COL6A6: variants seen among roughly 807,000 people sequenced by gnomAD.
COL6A6 encodes the protein collagen type VI alpha 6 chain.
In COL6A6, 183 loss-of-function variants were observed where a neutral mutation model predicts 208.6. The observed-to-expected ratio is 0.88, with a 90% CI of 0.78 to 0.99. The LOEUF is 0.99. Among genes scored for constraint, COL6A6 ranks in the 50% least tolerant of loss-of-function variants. The probability of loss-of-function intolerance (pLI) is 0.00; values close to 1 mark genes in which losing one functional copy is unlikely to be tolerated. For missense variants in COL6A6, 2,816 were observed against 2,815.2 expected (o/e 1.00, Z -0.01); for synonymous variants, 973 against 1,011.8 (o/e 0.96, Z 0.73).
At chr3:130,586,698 C>A in intron 11 of COL6A6, 38 bp downstream of exon 11, 1 of 1,581,658 alleles carries the variant, frequency 6.3e-7, no homozygotes, top group Non-Finnish European at 8.6e-7. Context: ...CTTAAATTTT[C>A]AATTATTTTG....
intron 1 of COL6A6, among the ~76,000 whole-genome samples, chr3:130,533,465 T>C (rs2062154344): frequency 6.6e-6 from 1 of 152,204 alleles, no homozygotes; most frequent in Non-Finnish European, 1.5e-5. Context: ...CCTTTTTTCT[T>C]ATGACTTTTT....
rs368495540 is a variant in COL6A6, at chr3:130,614,565, A to C, written c.4815+3854A>C. Reference sequence around the variant, plus strand: ...AAGTCCCTCTACCTCACCTTTTAGGAATAGTTTCAGTAGGAATGATATCAG... The same window carrying C: ...AAGTCCCTCTACCTCACCTTTTAGGCATAGTTTCAGTAGGAATGATATCAG... On this transcript the variant is annotated intron_variant, in intron 23 of 36. Coordinates refer to ENST00000358511, the MANE Select transcript of COL6A6 (RefSeq NM_001102608.3). Among the ~76,000 whole-genome samples, 23 of 152,248 alleles carry C rather than the reference A, an allele frequency of 1.5e-4. No individual in the cohort carries two copies. The South Asian group carries it at 4.8e-3, about 32-fold the overall frequency.
At chr3:130,573,630 A>G (rs1314304428) in intron 7 of COL6A6, among the ~76,000 whole-genome samples, 1 of 149,984 alleles carries the variant, frequency 6.7e-6, no homozygotes. Flanking sequence ...GCAGAGGCAC[A>G]ATCTCGGCTC....
chr3:130,566,867 G>A lies in COL6A6; in HGVS notation c.1448G>A (p.Ser483Asn), dbSNP rs1213440910. Residue 483 changes from serine (S) to asparagine (N), a missense_variant, in exon 5 of 37, where the codon AGC (serine) becomes AAC (asparagine). Transcript: ENST00000358511. ...GTTGGGGCCGTTCAGTATGCTGACA[G>A]CTGGGACTTGGAATTTGAGATCAAT... ...VRVGAVQYADSWDLEFEINKY... is the reference protein window; with the variant it reads ...VRVGAVQYADNWDLEFEINKY... 2 of 1,614,008 alleles carry A rather than the reference G, an allele frequency of 1.2e-6. No individual in the cohort carries two copies. The highest frequency in any genetic ancestry group is 1.7e-5 in the Admixed American group (1 of 60,026).
rs146596126 is a variant in COL6A6, at chr3:130,527,959, C to A, written c.-32+10562C>A. Among the ~76,000 whole-genome samples the A allele has an allele frequency of 3.3e-3, 444 of 135,152 alleles. 3 individuals are homozygous for A. Among genetic ancestry groups the A allele is most frequent in the African/African-American group, 0.012 (423 of 36,094 alleles). The allele number at this position is 135,152 out of a possible 152,430, so 88.7% of individuals were successfully genotyped here. On this transcript the variant is annotated intron_variant, in intron 1 of 36. Coordinates refer to ENST00000358511, the MANE Select transcript of COL6A6 (RefSeq NM_001102608.3). Reference sequence around the variant, plus strand: ...TGTTGCCCTACTCTTGGAAGCAACACCTGGTGTGCCTTTACATTTTTCAGA... The same window carrying A: ...TGTTGCCCTACTCTTGGAAGCAACAACTGGTGTGCCTTTACATTTTTCAGA...
Position 130,574,215 on chromosome 3 carries a change from C to G in COL6A6, c.3237C>G (p.Ile1079Met). ...NIKQIFGNTH[I>M]GAALREVEHY... The stretch of plus-strand genomic sequence containing the variant: ...AGCAGATCTTTGGAAACACACACAT[C>G]GGTGCTGCACTCAGGGAGGTGGAAC... The change falls in exon 8 of 37, where the codon ATC becomes ATG. Residue 1079 changes from isoleucine to methionine, a missense_variant. By Grantham distance (10) the Ile-to-Met change is conservative. Transcript: ENST00000358511. The G allele has an allele frequency of 6.2e-7, 1 of 1,613,952 alleles. No individual in the cohort carries two copies. The highest frequency in any genetic ancestry group is 8.5e-7 in the Non-Finnish European group (1 of 1,179,882).
chr3:130,531,085 C>CTG (rs2062083161), intron 1 of COL6A6, among the ~76,000 whole-genome samples: 2 of 150,242 alleles, frequency 1.3e-5, no homozygotes, highest in Non-Finnish European at 2.9e-5. Flanking sequence ...CTCTCTCTCT[C>CTG]TCTCTGCCAC....
chr3:130,560,909 T>A (rs1324496586), intron 2 of COL6A6, among the ~76,000 whole-genome samples: 4 of 128,630 alleles, frequency 3.1e-5, no homozygotes, highest in Non-Finnish European at 7.3e-5. Context: ...CCTGTGGACT[T>A]AAGACACTAG....
chr3:130,565,236 C>T lies in COL6A6; in HGVS notation c.904C>T (p.Arg302Ter), dbSNP rs377324179. The T allele has an allele frequency of 1.1e-4, 178 of 1,613,866 alleles. No homozygotes were observed. The highest frequency in any genetic ancestry group is 1.3e-4 in the African/African-American group (10 of 74,920). ...VLQHIQNLSP[R>*]TGKAYTGAAI... ...CCAGCATATACAGAACCTTTCTCCC[C>T]GAACTGGGAAGGCCTATACTGGAGC... is the stretch of plus-strand genomic sequence containing the variant. The change falls in exon 4 of 37, where the codon CGA becomes TGA. Residue 302 changes from arginine (R) to a stop codon, truncating the protein, a stop_gained. Transcript: ENST00000358511. LOFTEE classifies it high-confidence loss of function.
chr3:130,536,445 C>T (rs115278893), intron 1 of COL6A6, among the ~76,000 whole-genome samples: 1,684 of 152,278 alleles, frequency 0.011, 37 homozygotes, highest in African/African-American at 0.039. Context: ...GAGGAAAGAC[C>T]ATAAGCAAGG....
intron 23 of COL6A6, among the ~76,000 whole-genome samples, chr3:130,612,386 A>G (rs1241990906): frequency 6.6e-6 from 1 of 152,222 alleles, no homozygotes; most frequent in Admixed American, 6.5e-5. Context: ...ACTAATGTAC[A>G]GTCCCACCAG....
At chr3:130,565,856 G>A (rs1483775418) in intron 4 of COL6A6, among the ~76,000 whole-genome samples, 10 of 152,128 alleles carry the variant, frequency 6.6e-5, no homozygotes, top group Non-Finnish European at 1.5e-4. Context: ...AATTGGATTT[G>A]TTACTCATCC....
intron 6 of COL6A6, among the ~76,000 whole-genome samples, chr3:130,569,824 G>A (rs2063117541): frequency 6.6e-6 from 1 of 152,186 alleles, no homozygotes; most frequent in Admixed American, 6.5e-5. Flanking sequence ...TGATGGCCCT[G>A]TACACATGGC....
At chr3:130,525,666 T>C (rs569966257) in intron 1 of COL6A6, among the ~76,000 whole-genome samples, 4 of 152,316 alleles carry the variant, frequency 2.6e-5, no homozygotes, top group African/African-American at 4.8e-5. Flanking sequence ...CCTGCAAAGC[T>C]GTGAATGGCC....
At chr3:130,569,159 C>T (rs1231508565) in intron 6 of COL6A6, among the ~76,000 whole-genome samples, 13 of 152,100 alleles carry the variant, frequency 8.5e-5, no homozygotes, top group Admixed American at 8.5e-4. Flanking sequence ...CAAGGTGGCT[C>T]CTCTTTGACC....
intron 24 of COL6A6, among the ~76,000 whole-genome samples, chr3:130,623,602 T>C (rs2064801659): frequency 6.6e-6 from 1 of 152,062 alleles, no homozygotes; most frequent in African/African-American, 2.4e-5. Flanking sequence ...ACTCTTCCAA[T>C]AGGGGACTGA....
At chr3:130,634,895 T>C (rs1285770896) in intron 27 of COL6A6, among the ~76,000 whole-genome samples, 1 of 152,216 alleles carries the variant, frequency 6.6e-6, no homozygotes, top group East Asian at 1.9e-4. Flanking sequence ...TCCTCAAATT[T>C]ACTCCTTCCC....
chr3:130,559,641 C>T (rs1314579926), intron 1 of COL6A6, among the ~76,000 whole-genome samples: 1 of 152,148 alleles, frequency 6.6e-6, no homozygotes, highest in East Asian at 1.9e-4. Context: ...ATTTTCAATG[C>T]ATTTAATATC....
chr3:130,562,232 G>T (rs1200190240), intron 2 of COL6A6, among the ~76,000 whole-genome samples: 2 of 152,140 alleles, frequency 1.3e-5, no homozygotes, highest in African/African-American at 4.8e-5. Flanking sequence ...TAAAAATGTA[G>T]TACCAGATAA....
Sources: allele counts gnomAD v4.1 joint callset (sites outside exome capture counted in the v4.1 genomes callset), GRCh38; gene constraint gnomAD v4.1.1; transcripts MANE v1.5; gene names NCBI Gene and HGNC (gene_info 2026-07-23, HGNC 2026-07-21).